The following GRID2 variants were observed in gnomAD, a reference collection of about 807,000 sequenced individuals.
GRID2 encodes the protein glutamate ionotropic receptor delta type subunit 2, also known as glutamate receptor ionotropic, delta-2.
GRID2 carries 33 observed loss-of-function variants against 114.8 expected under a neutral mutation model. That is an observed-to-expected ratio of 0.29 (90% CI 0.22 to 0.38). The LOEUF is 0.38. Ranked by LOEUF, GRID2 falls within the 10% of genes least tolerant of loss-of-function variation. GRID2 has a pLI of 1.00. For missense variants in GRID2, 1,184 were observed against 1,257.7 expected, an observed-to-expected ratio of 0.94 and a Z score of 0.89; for synonymous variants, 505 against 449.9, an observed-to-expected ratio of 1.12 and a Z score of -1.55.
intron 8 of GRID2, among the ~76,000 whole-genome samples, chr4:93,240,025 G>T (rs1017466088): frequency 1.3e-5 from 2 of 151,422 alleles, no homozygotes; most frequent in African/African-American, 4.8e-5. Flanking sequence ...TCTATTGTAT[G>T]GATTTGTCCC....
chr4:92,356,536 A>G (rs1290053116), intron 1 of GRID2, among the ~76,000 whole-genome samples: 1 of 151,674 alleles, frequency 6.6e-6, no homozygotes, highest in Non-Finnish European at 1.5e-5. Flanking sequence ...ACATATATGT[A>G]TTAACCATAT....
chr4:92,392,776 A>T (rs1730309100), intron 1 of GRID2, among the ~76,000 whole-genome samples: 1 of 152,036 alleles, frequency 6.6e-6, no homozygotes, highest in South Asian at 2.1e-4. Flanking sequence ...TAAAGACTAT[A>T]CTTTTTGAAC....
intron 1 of GRID2, among the ~76,000 whole-genome samples, chr4:92,518,617 AT>A (rs35101347): frequency 0.031 from 4,730 of 151,312 alleles, 118 homozygotes; most frequent in Non-Finnish European, 0.043. Context: ...AGTTCTGGAA[AT>A]TTTTTTTTCA....
intron 2 of GRID2, among the ~76,000 whole-genome samples, chr4:93,069,371 C>T (rs998828901): frequency 6.6e-6 from 1 of 151,556 alleles, no homozygotes; most frequent in Non-Finnish European, 1.5e-5. Context: ...TCTGAAAAAT[C>T]CATAAACCCT....
chr4:92,916,438 C>G (rs1748799234), intron 2 of GRID2, among the ~76,000 whole-genome samples: 1 of 152,016 alleles, frequency 6.6e-6, no homozygotes, highest in East Asian at 1.9e-4. Context: ...TATACACGTG[C>G]CATGTTGGTG....
chr4:92,982,120 C>G (rs1389366254), intron 2 of GRID2, among the ~76,000 whole-genome samples: 1 of 151,212 alleles, frequency 6.6e-6, no homozygotes, highest in Non-Finnish European at 1.5e-5. Flanking sequence ...TTTTTACTCC[C>G]CTACTCAACT....
At chr4:93,604,504 A>G (rs1419223978) in intron 13 of GRID2, among the ~76,000 whole-genome samples, 1 of 152,214 alleles carries the variant, frequency 6.6e-6, no homozygotes, top group Non-Finnish European at 1.5e-5. Flanking sequence ...ACAACAAAGG[A>G]TTTAGAATAT....
At chr4:93,406,422 G>A (rs11933728) in intron 9 of GRID2, among the ~76,000 whole-genome samples, 31,463 of 151,994 alleles carry the variant, frequency 0.21, 5,878 homozygotes, top group African/African-American at 0.5. Flanking sequence ...TGTGGTTGGC[G>A]CATATTATCT....
intron 2 of GRID2, among the ~76,000 whole-genome samples, chr4:92,769,683 G>T (rs570377119): frequency 2.0e-5 from 3 of 152,264 alleles, no homozygotes; most frequent in Non-Finnish European, 2.9e-5. Context: ...CATGGAGGCT[G>T]CCAAGGCTTG....
At chr4:92,376,168 G>A (rs144601385) in intron 1 of GRID2, among the ~76,000 whole-genome samples, 94 of 151,938 alleles carry the variant, frequency 6.2e-4, no homozygotes, top group Middle Eastern at 3.4e-3. Context: ...AAATTAGCCC[G>A]GTGTGTTGTC....
chr4:92,320,789 C>T (rs1726274686), intron 1 of GRID2, among the ~76,000 whole-genome samples: 1 of 152,088 alleles, frequency 6.6e-6, no homozygotes, highest in African/African-American at 2.4e-5. Context: ...ATATTACCTA[C>T]TTTTGAAAAT....
chr4:92,444,991 G>A (rs2149072376), intron 1 of GRID2, among the ~76,000 whole-genome samples: 1 of 152,158 alleles, frequency 6.6e-6, no homozygotes, highest in South Asian at 2.1e-4. Context: ...GTTTGTTTGT[G>A]AAAGGATTTT....
At chr4:92,840,999 T>C (rs1742850978) in intron 2 of GRID2, among the ~76,000 whole-genome samples, 1 of 152,050 alleles carries the variant, frequency 6.6e-6, no homozygotes. Flanking sequence ...AACAACTGCT[T>C]TCCCAACTTA....
intron 2 of GRID2, among the ~76,000 whole-genome samples, chr4:92,661,221 G>A (rs1190518199): frequency 6.6e-6 from 1 of 150,388 alleles, no homozygotes; most frequent in Non-Finnish European, 1.5e-5. Context: ...CTAATAAAGA[G>A]GTGTTCTAAG....
At chr4:92,794,901 T>TACACACACACAC (rs1185891188) in intron 2 of GRID2, among the ~76,000 whole-genome samples, 1 of 136,720 alleles carries the variant, frequency 7.3e-6, no homozygotes, top group African/African-American at 2.7e-5. Flanking sequence ...TATATATATA[T>TACACACACACAC]ATATACACAC....
chr4:92,840,699 C>T (rs1215435429), intron 2 of GRID2, among the ~76,000 whole-genome samples: 1 of 151,986 alleles, frequency 6.6e-6, no homozygotes, highest in Non-Finnish European at 1.5e-5. Flanking sequence ...GTCCTTCCTT[C>T]TTCTATGCTA....
At chr4:92,497,620 A>G (rs1006115708) in intron 1 of GRID2, among the ~76,000 whole-genome samples, 1 of 151,916 alleles carries the variant, frequency 6.6e-6, no homozygotes, top group Non-Finnish European at 1.5e-5. Context: ...TTCTGAGGAG[A>G]CACGGTACAA....
At chr4:92,690,289 G>T (rs1403254980) in intron 2 of GRID2, among the ~76,000 whole-genome samples, 2 of 152,036 alleles carry the variant, frequency 1.3e-5, no homozygotes, top group Admixed American at 1.3e-4. Flanking sequence ...TTTCCATACT[G>T]TTGTGTCCTA....
chr4:93,513,389 C>G (rs1252314762), intron 12 of GRID2, among the ~76,000 whole-genome samples: 1 of 152,100 alleles, frequency 6.6e-6, no homozygotes. Context: ...GTAAATTGCT[C>G]TCTTGAAACA....
Sources: allele counts gnomAD v4.1 joint callset (sites outside exome capture counted in the v4.1 genomes callset), GRCh38; gene constraint gnomAD v4.1.1; transcripts MANE v1.5; gene names NCBI Gene and HGNC (gene_info 2026-07-23, HGNC 2026-07-21).